The following EVA1C variants were observed in gnomAD, a reference collection of about 807,000 sequenced individuals.
EVA1C encodes the protein protein eva-1 homolog C.
A neutral mutation model predicts 45.4 loss-of-function variants in EVA1C; 25 were observed. That is an observed-to-expected ratio of 0.55 (90% CI 0.40 to 0.77). The LOEUF is 0.77. Ranked by LOEUF, EVA1C falls within the 30% of genes least tolerant of loss-of-function variation. The probability of loss-of-function intolerance (pLI) is 0.00; values close to 1 mark genes in which losing one functional copy is unlikely to be tolerated. For missense variants in EVA1C, 479 were observed against 554.8 expected (o/e 0.86, Z 1.37); for synonymous variants, 190 against 221.2 (o/e 0.86, Z 1.25).
chr21:32,472,157 T>TAA (rs1235925844), intron 4 of EVA1C, among the ~76,000 whole-genome samples: 154 of 151,180 alleles, frequency 1.0e-3, no homozygotes, highest in African/African-American at 3.7e-3. Context: ...ATTAATTAAT[T>TAA]TATTTATTTA....
chr21:32,489,786 G>A (rs377413843), intron 4 of EVA1C, among the ~76,000 whole-genome samples: 1 of 152,140 alleles, frequency 6.6e-6, no homozygotes, highest in African/African-American at 2.4e-5. Context: ...ATCAATGTGT[G>A]TGTAGATTTC....
intron 3 of EVA1C, among the ~76,000 whole-genome samples, chr21:32,467,469 A>G (rs2036215356): frequency 6.6e-6 from 1 of 152,104 alleles, no homozygotes; most frequent in South Asian, 2.1e-4. Context: ...TTTGCCCCTT[A>G]GTTTAATTCC....
chr21:32,446,978 G>A (rs114601363), intron 1 of EVA1C, among the ~76,000 whole-genome samples: 1,536 of 152,196 alleles, frequency 0.01, 36 homozygotes, highest in African/African-American at 0.035. Context: ...GGTCCCTTGC[G>A]CCCCTCCCCT....
intron 3 of EVA1C, among the ~76,000 whole-genome samples, chr21:32,465,505 G>A (rs575377968): frequency 7.2e-5 from 11 of 152,308 alleles, no homozygotes; most frequent in Middle Eastern, 3.4e-3. Flanking sequence ...CAGAACAGTG[G>A]TGATAGGGTA....
intron 4 of EVA1C, among the ~76,000 whole-genome samples, chr21:32,487,417 T>C (rs2037006754): frequency 1.3e-5 from 2 of 152,124 alleles, no homozygotes; most frequent in Non-Finnish European, 2.9e-5. Context: ...AAGGACTCCA[T>C]GGAGATGCTC....
chr21:32,413,852 C>G (rs1296477721), intron 1 of EVA1C, among the ~76,000 whole-genome samples: 1 of 152,212 alleles, frequency 6.6e-6, no homozygotes, highest in Non-Finnish European at 1.5e-5. Flanking sequence ...GGCTGGAGGC[C>G]TTCAGCCTTC....
intron 7 of EVA1C, among the ~76,000 whole-genome samples, chr21:32,514,565 C>T (rs2038074596): frequency 6.6e-6 from 1 of 152,146 alleles, no homozygotes; most frequent in Admixed American, 6.5e-5. Context: ...AGGAGTCTGG[C>T]TCCTGAGCCC....
intron 4 of EVA1C, 82 bp downstream of exon 4, chr21:32,467,930 T>C: frequency 1.1e-6 from 1 of 911,324 alleles, no homozygotes; most frequent in Non-Finnish European, 1.5e-6. Context: ...ATCCTATATA[T>C]ATCCTATATG....
At chr21:32,481,565 C>T (rs764581662) in intron 4 of EVA1C, among the ~76,000 whole-genome samples, 2 of 149,862 alleles carry the variant, frequency 1.3e-5, no homozygotes, top group African/African-American at 2.4e-5. Flanking sequence ...CCTAGATAAA[C>T]TTTTCATGAC....
At chr21:32,439,173 G>C (rs548031999) in intron 1 of EVA1C, among the ~76,000 whole-genome samples, 1 of 148,396 alleles carries the variant, frequency 6.7e-6, no homozygotes, top group East Asian at 2.0e-4. Context: ...CCAGGAAGTG[G>C]GGGTTGCAGT....
chr21:32,472,711 T>C (rs374940661), intron 4 of EVA1C, among the ~76,000 whole-genome samples: 1 of 151,654 alleles, frequency 6.6e-6, no homozygotes, highest in Non-Finnish European at 1.5e-5. Flanking sequence ...CAGGTTTCCA[T>C]GGAGAGTGGA....
chr21:32,445,912 G>A (rs1488639103), intron 1 of EVA1C, among the ~76,000 whole-genome samples: 1 of 152,154 alleles, frequency 6.6e-6, no homozygotes, highest in East Asian at 1.9e-4. Context: ...CACATGAGCT[G>A]CACCAAGATC....
At chr21:32,428,127 C>G (rs1377203719) in intron 1 of EVA1C, among the ~76,000 whole-genome samples, 1 of 152,144 alleles carries the variant, frequency 6.6e-6, no homozygotes, top group Non-Finnish European at 1.5e-5. Context: ...AACTTCTGGG[C>G]TCAGAAATTT....
At position 32,501,431 on chromosome 21, in the gene EVA1C, C is replaced by T. The variant is rs2146432379; in HGVS notation, c.795C>T (p.Leu265=). 1 of 1,592,456 alleles carries T rather than the reference C, an allele frequency of 6.3e-7. No homozygotes were observed. Among genetic ancestry groups the T allele is most frequent in the East Asian group, 2.2e-5 (1 of 44,824 alleles). ...VTYACVPKNI[L]TAIDPAIANL... is the part of the protein sequence containing the mutation. ...GGCTTTTAGTTCCCAAGAACATACT[C>T]ACAGCGATTGATCCAGCCATTGCTA... is the stretch of plus-strand genomic sequence containing the variant. Residue 265 remains leucine, a synonymous_variant, in exon 6 of 8, where the codon CTC becomes CTT. Transcript: ENST00000300255.
chr21:32,431,151 G>C (rs1161572275), intron 1 of EVA1C, among the ~76,000 whole-genome samples: 1 of 152,072 alleles, frequency 6.6e-6, no homozygotes, highest in Non-Finnish European at 1.5e-5. Context: ...TACTGAGCTG[G>C]GCATCTTCTT....
At chr21:32,470,996 T>C (rs1421097472) in intron 4 of EVA1C, among the ~76,000 whole-genome samples, 1 of 151,980 alleles carries the variant, frequency 6.6e-6, no homozygotes, top group Non-Finnish European at 1.5e-5. Context: ...TGACCTCAGG[T>C]GATCTGCCTG....
chr21:32,495,171 G>A lies in EVA1C; in HGVS notation c.778+1G>A, dbSNP rs2037305849. 1 of 1,613,916 alleles carries A rather than the reference G, an allele frequency of 6.2e-7. No homozygotes were observed. The highest frequency in any genetic ancestry group is 8.5e-7 in the Non-Finnish European group (1 of 1,179,938). On this transcript the variant is annotated splice_donor_variant, in intron 5 of 7. Coordinates refer to ENST00000300255, the MANE Select transcript of EVA1C (RefSeq NM_058187.5). LOFTEE classifies it high-confidence loss of function. ...TACCTCACTGTGACCTACGCATGTG[G>A]TAAGAACACACCCCCGACCAGCTGC...
rs2035603668 is a variant in EVA1C at position 32,452,164 on chromosome 21, G to A, written c.161-1148G>A. 1 of 152,262 alleles carries A rather than the reference G, an allele frequency of 6.6e-6. No homozygotes were observed. The highest frequency in any genetic ancestry group is 2.1e-4 in the South Asian group (1 of 4,830). The allele number at this position is 152,262 out of a possible 1,614,324, so 9.4% of individuals were successfully genotyped here. A position where few individuals can be genotyped will look rare whatever the true frequency, so the allele number is the denominator to read the frequency against. ...CTCAGGATGGGCATCCACACATCCA[G>A]GGGACACTCACCCCGATTTTTTTCC... is the stretch of plus-strand genomic sequence containing the variant. On this transcript the variant is annotated intron_variant, in intron 1 of 7. Coordinates refer to ENST00000300255, the MANE Select transcript of EVA1C (RefSeq NM_058187.5). This position sits in a 1 kb window ranked among gnomAD's most constrained non-coding sequence, Gnocchi z 4.0.
At chr21:32,484,955 T>C (rs138731764) in intron 4 of EVA1C, among the ~76,000 whole-genome samples, 2,033 of 152,262 alleles carry the variant, frequency 0.013, 27 homozygotes, top group Non-Finnish European at 0.017. Context: ...TTTTTTTTTT[T>C]ACTGCACAAG....
Sources: gnomAD v4.1 joint callset for allele counts (sites outside exome capture counted in the v4.1 genomes callset) on GRCh38, gnomAD v4.1.1 for gene constraint, Gnocchi (gnomAD v3.1) non-coding constraint, MANE v1.5 for transcripts, NCBI Gene and HGNC (gene_info 2026-07-23, HGNC 2026-07-21) for gene names.